The following RBPMS2 variants were observed in gnomAD, a reference collection of about 807,000 sequenced individuals.
RBPMS2 encodes RNA binding protein, mRNA processing factor 2.
RBPMS2 carries 14 observed loss-of-function variants against 25.7 expected under a neutral mutation model. The ratio of observed to expected loss-of-function variants is 0.55; its 90% CI spans 0.36 to 0.85. The LOEUF (loss-of-function observed/expected upper bound fraction) is 0.85. Ranked by LOEUF, RBPMS2 falls within the 40% of genes least tolerant of loss-of-function variation. The pLI is 0.01. For synonymous variants in RBPMS2, 127 were observed against 115.6 expected (o/e 1.10, Z -0.63); for missense variants, 252 against 283.4 (o/e 0.89, Z 0.80).
intron 1 of RBPMS2, among the ~76,000 whole-genome samples, chr15:64,753,023 G>A (rs577705112): frequency 5.3e-5 from 8 of 152,286 alleles, no homozygotes; most frequent in African/African-American, 1.4e-4. Flanking sequence ...TGCTGGCACC[G>A]GATGCTAAAC....
intron 2 of RBPMS2, among the ~76,000 whole-genome samples, chr15:64,750,909 G>T (rs2141060739): frequency 6.6e-6 from 1 of 151,690 alleles, no homozygotes; most frequent in South Asian, 2.1e-4. Flanking sequence ...ATGGTGGAGG[G>T]TGCCTGTAGT....
chr15:64,763,139 A>C (rs2083807743), intron 1 of RBPMS2, among the ~76,000 whole-genome samples: 1 of 151,978 alleles, frequency 6.6e-6, no homozygotes, highest in Admixed American at 6.6e-5. Context: ...GGTTGCTCTT[A>C]CGCCTCCCAT....
intron 1 of RBPMS2, among the ~76,000 whole-genome samples, chr15:64,770,748 G>T (rs146921097): frequency 1.3e-5 from 2 of 151,982 alleles, no homozygotes; most frequent in East Asian, 3.9e-4. Context: ...GAATTACCTC[G>T]CACTCATCTA....
intron 1 of RBPMS2, among the ~76,000 whole-genome samples, chr15:64,754,636 C>T (rs1044980974): frequency 2.6e-5 from 4 of 151,156 alleles, no homozygotes; most frequent in African/African-American, 9.7e-5. Flanking sequence ...AAACCCAAGT[C>T]TTCCTACTAC....
rs190091785 is a variant in RBPMS2, at chr15:64,759,507, T to C, written c.88-7869A>G. ...GGGCTCTGACAAACCCATTCCCATC[T>C]ACGTGTCGGTGATGTTCTTCCTTCA... On this transcript the variant is annotated intron_variant, in intron 1 of 7. Transcript: ENST00000300069. Among the ~76,000 whole-genome samples, 260 of 152,292 alleles carry C rather than the reference T, an allele frequency of 1.7e-3. 1 individual carries two copies. Among genetic ancestry groups the C allele is most frequent in the Admixed American group, 2.9e-3 (45 of 15,292 alleles).
chr15:64,747,996 G>C (rs1190226440), intron 6 of RBPMS2, among the ~76,000 whole-genome samples: 1 of 66,472 alleles, frequency 1.5e-5, no homozygotes, highest in Non-Finnish European at 4.9e-5. Flanking sequence ...CCATTTTTCA[G>C]ATGACTAAAA....
chr15:64,762,612 AAG>A, intron 1 of RBPMS2: 1 of 465,180 alleles, frequency 2.1e-6, no homozygotes. Flanking sequence ...ACAAAAGACA[AAG>A]AACCTCAAAA....
At chr15:64,754,380 G>C (rs896102899) in intron 1 of RBPMS2, among the ~76,000 whole-genome samples, 4 of 152,092 alleles carry the variant, frequency 2.6e-5, no homozygotes, top group Non-Finnish European at 5.9e-5. Context: ...GAGAGGCCGA[G>C]GTGGGTGGAT....
intron 1 of RBPMS2, chr15:64,762,423 T>C (rs1379674687): frequency 1.9e-6 from 1 of 534,696 alleles, no homozygotes; most frequent in Admixed American, 1.9e-5. Flanking sequence ...AGCTGCAGCC[T>C]ACATTTCTAA....
intron 1 of RBPMS2, among the ~76,000 whole-genome samples, chr15:64,752,855 G>A (rs1475240983): frequency 1.3e-5 from 2 of 152,014 alleles, no homozygotes; most frequent in South Asian, 2.1e-4. Flanking sequence ...CAAGTGATCC[G>A]CCCACCTCGG....
chr15:64,743,524 C>T (rs1269961609), intron 6 of RBPMS2, among the ~76,000 whole-genome samples: 1 of 152,246 alleles, frequency 6.6e-6, no homozygotes, highest in African/African-American at 2.4e-5. Context: ...CCTCTAGAAG[C>T]CACACAATCC....
chr15:64,763,655 G>A (rs2083813776), intron 1 of RBPMS2, among the ~76,000 whole-genome samples: 1 of 152,178 alleles, frequency 6.6e-6, no homozygotes, highest in Non-Finnish European at 1.5e-5. Flanking sequence ...AACAGGTATG[G>A]GGTCCCCATT....
At chr15:64,774,793 G>A (rs906321878) in intron 1 of RBPMS2, among the ~76,000 whole-genome samples, 22 of 151,234 alleles carry the variant, frequency 1.5e-4, no homozygotes, top group Non-Finnish European at 1.5e-4. Flanking sequence ...AGGCAGTGGA[G>A]TGAGGGTGCC....
intron 6 of RBPMS2, among the ~76,000 whole-genome samples, chr15:64,746,740 C>T (rs955733818): frequency 1.3e-5 from 2 of 152,348 alleles, no homozygotes; most frequent in Middle Eastern, 6.8e-3. Flanking sequence ...CAACCTCTGT[C>T]ACAGCCTAGC....
intron 2 of RBPMS2, among the ~76,000 whole-genome samples, chr15:64,751,133 G>A (rs1372663311): frequency 6.6e-6 from 1 of 152,082 alleles, no homozygotes; most frequent in African/African-American, 2.4e-5. Context: ...AGGAGTTCAA[G>A]ACCAGCCTGA....
chr15:64,775,231 ACCT>A lies in RBPMS2; in HGVS notation c.86_87+1del, dbSNP rs1420034794. On this transcript the variant is annotated splice_donor_variant and coding_sequence_variant, in exon 1 of 8. Transcript: ENST00000300069. LOFTEE classifies it high-confidence loss of function. ...CGGCAAGTCCCGGGGCCACAGACCCACCTCCTCCTCCAGGGCGCCGCCGGAGCC... is the reference window on the plus strand; with the variant it reads ...CGGCAAGTCCCGGGGCCACAGACCCACCTCCTCCAGGGCGCCGCCGGAGCC... 4 of 1,279,690 alleles carry A rather than the reference ACCT, an allele frequency of 3.1e-6. No individual in the cohort carries two copies. The highest frequency in any genetic ancestry group is 3.0e-6 in the Non-Finnish European group (3 of 1,010,514). The allele number at this position is 1,279,690 out of a possible 1,614,324, so 79.3% of individuals were successfully genotyped here. A position where few individuals can be genotyped will look rare whatever the true frequency, so the allele number is the denominator to read the frequency against.
intron 1 of RBPMS2, among the ~76,000 whole-genome samples, chr15:64,770,050 G>A (rs2083881723): frequency 6.6e-6 from 1 of 151,920 alleles, no homozygotes; most frequent in Non-Finnish European, 1.5e-5. Context: ...GTAGTGGTGC[G>A]CGCCTGTAAT....
At chr15:64,742,135 C>T (rs1357959696) in intron 6 of RBPMS2, among the ~76,000 whole-genome samples, 3 of 151,816 alleles carry the variant, frequency 2.0e-5, no homozygotes, top group African/African-American at 2.4e-5. Context: ...ATTGCACTCC[C>T]GCCTGGGCAA....
intron 1 of RBPMS2, among the ~76,000 whole-genome samples, chr15:64,759,963 G>A (rs950592675): frequency 5.3e-5 from 8 of 152,182 alleles, no homozygotes; most frequent in South Asian, 4.1e-4. Flanking sequence ...GTGAGCCACC[G>A]CGCCAGGCCT....
Sources: allele counts gnomAD v4.1 joint callset (sites outside exome capture counted in the v4.1 genomes callset), GRCh38; gene constraint gnomAD v4.1.1; transcripts MANE v1.5; gene names NCBI Gene and HGNC (gene_info 2026-07-23, HGNC 2026-07-21).